The following SYNE1 variants were observed in gnomAD, a reference collection of about 807,000 sequenced individuals.
The protein encoded by SYNE1 is nesprin-1.
In SYNE1, 616 loss-of-function variants were observed where a neutral mutation model predicts 1,111.0. The observed-to-expected ratio is 0.55, with a 90% CI of 0.52 to 0.59. SYNE1 has a LOEUF of 0.59. Ranked by LOEUF, SYNE1 falls within the 20% of genes least tolerant of loss-of-function variation. The pLI is 0.00. For synonymous variants in SYNE1, 3,855 were observed against 3,825.8 expected, an observed-to-expected ratio of 1.01 and a Z score of -0.28; for missense variants, 10,006 against 10,417.0, an observed-to-expected ratio of 0.96 and a Z score of 1.72.
At position 152,337,009 on chromosome 6, in the gene SYNE1, T is replaced by C; in HGVS notation, c.12360A>G (p.Gln4120=). 6.2e-7 allele frequency: 1 copy of C among 1,613,312 alleles called. No individual in the cohort carries two copies. Among genetic ancestry groups the C allele is most frequent in the Non-Finnish European group, 8.5e-7 (1 of 1,179,922 alleles). ...DIQQTEQTIE[Q]KLVQAQNLTQ... ...TTAAGTTCTGGGCCTGGACAAGCTT[T>C]TGTTCAATCTTGAGAAAACACAGAG... The change falls in exon 76 of 146, where the codon CAA becomes CAG. Residue 4120 remains glutamine, a synonymous_variant. Transcript: ENST00000367255.
At chr6:152,156,866 C>T (rs561282744) in intron 131 of SYNE1, among the ~76,000 whole-genome samples, 63 of 151,938 alleles carry the variant, frequency 4.1e-4, no homozygotes, top group African/African-American at 1.5e-3. Flanking sequence ...CTCACTCTGT[C>T]ACCCAGGCTG....
intron 126 of SYNE1, 143 bp downstream of exon 126, chr6:152,206,025 C>A: frequency 1.0e-6 from 1 of 967,204 alleles, no homozygotes; most frequent in Non-Finnish European, 1.6e-6. Context: ...AAGACAAAGT[C>A]TTAAATAAAA....
intron 59 of SYNE1, among the ~76,000 whole-genome samples, chr6:152,371,464 T>C (rs2097178601): frequency 6.6e-6 from 1 of 151,250 alleles, no homozygotes; most frequent in Non-Finnish European, 1.5e-5. Flanking sequence ...CTCTCCTTTA[T>C]AAATTACCCA....
intron 3 of SYNE1, among the ~76,000 whole-genome samples, chr6:152,587,547 C>T (rs1004152192): frequency 6.6e-6 from 1 of 152,126 alleles, no homozygotes; most frequent in African/African-American, 2.4e-5. Flanking sequence ...AATGAAAAAA[C>T]TAATGAAAAA....
chr6:152,321,847 C>T lies in SYNE1; in HGVS notation c.15957G>A (p.Lys5319=). 6.2e-7 allele frequency: 1 copy of T among 1,614,032 alleles called. No individual in the cohort carries two copies. Among genetic ancestry groups the T allele is most frequent in the Non-Finnish European group, 8.5e-7 (1 of 1,179,970 alleles). The part of the protein sequence containing the change: ...EKVKTNGKLV[K]QELKDREMVE... Reference sequence around the variant, plus strand: ...CCATTTCTCGGTCCTTCAGCTCTTGCTTCACCAACTTTCCATTAGTCTTCA... The same window carrying T: ...CCATTTCTCGGTCCTTCAGCTCTTGTTTCACCAACTTTCCATTAGTCTTCA... Residue 5319 remains lysine, a synonymous_variant, in exon 83 of 146, where the codon AAG becomes AAA. Coordinates refer to ENST00000367255, the MANE Select transcript of SYNE1 (RefSeq NM_182961.4).
intron 3 of SYNE1, among the ~76,000 whole-genome samples, chr6:152,553,584 C>G (rs2099355167): frequency 6.6e-6 from 1 of 152,188 alleles, no homozygotes; most frequent in South Asian, 2.1e-4. Context: ...CCGCCTATCT[C>G]CAGTTCTTCA....
rs770523249 is a variant in SYNE1, at chr6:152,352,121, G to A, written c.11486C>T (p.Thr3829Ile). 4 of 1,614,216 alleles carry A rather than the reference G, an allele frequency of 2.5e-6. No homozygotes were observed. In the South Asian group the frequency reaches 4.4e-5, roughly 18 times the overall value. The change falls in exon 70 of 146, where the codon ACA (threonine) becomes ATA (isoleucine). Residue 3829 changes from threonine (T) to isoleucine (I), a missense_variant. Thr to Ile is a moderately conservative substitution (Grantham distance 89, BLOSUM62 -1). Coordinates refer to ENST00000367255, the MANE Select transcript of SYNE1 (RefSeq NM_182961.4). The stretch of plus-strand genomic sequence containing the variant: ...TTCCTGGTATTCTGCTATCCACTGT[G>A]TCAGTGCTTTGCATTTATCTGAGAA... ...KEFSDKCKALTQWIAEYQEIL... is the reference protein window; with the variant it reads ...KEFSDKCKALIQWIAEYQEIL...
rs899228287 is a variant in SYNE1, at chr6:152,232,133, A to G, written c.20845T>C (p.Tyr6949His). The G allele has an allele frequency of 1.3e-6, 2 of 1,581,080 alleles. No homozygotes were observed. The highest frequency in any genetic ancestry group is 1.7e-6 in the Non-Finnish European group (2 of 1,150,538). The change falls in exon 113 of 146, where the codon TAC becomes CAC. Residue 6949 changes from tyrosine (Y) to histidine (H), a missense_variant. Coordinates refer to ENST00000367255, the MANE Select transcript of SYNE1 (RefSeq NM_182961.4). ...NSIGYKAIHEYLQKYKGFKID... is the reference protein window; with the variant it reads ...NSIGYKAIHEHLQKYKGFKID... Reference sequence around the variant, plus strand: ...TTAATTACCTTATATTTCTGAAGGTATTCATGAATTGCCTTGTAACCTATG... The same window carrying G: ...TTAATTACCTTATATTTCTGAAGGTGTTCATGAATTGCCTTGTAACCTATG...
rs2635459 is a variant in SYNE1 at position 152,189,577 on chromosome 6, A to G, written c.23146-170T>C. Among the ~76,000 whole-genome samples the G allele has an allele frequency of 0.44, 67,106 of 152,038 alleles. 15,776 individuals are homozygous for G. The highest frequency in any genetic ancestry group is 0.62 in the African/African-American group (25,878 of 41,450). On this transcript the variant is annotated intron_variant, in intron 127 of 145. Transcript: ENST00000367255. ...AATATTACAGATTTGGTTCCAGACC[A>G]CTGAAATAAAGTATATATCACAATA...
intron 104 of SYNE1, among the ~76,000 whole-genome samples, chr6:152,253,551 G>T (rs2089914475): frequency 6.6e-6 from 1 of 152,294 alleles, no homozygotes; most frequent in African/African-American, 2.4e-5. Flanking sequence ...TTTGAACCCA[G>T]ACTGTTAGCT....
At chr6:152,602,606 T>C (rs2099598803) in intron 3 of SYNE1, among the ~76,000 whole-genome samples, 1 of 152,232 alleles carries the variant, frequency 6.6e-6, no homozygotes, top group Non-Finnish European at 1.5e-5. Context: ...AGGCCCATGT[T>C]ACTCAATTCT....
At chr6:152,167,715 C>G (rs1316231781) in intron 130 of SYNE1, 4 of 524,306 alleles carry the variant, frequency 7.6e-6, no homozygotes, top group African/African-American at 5.8e-5. Context: ...AGCTGTGAAC[C>G]AGCTAAGGCT....
chr6:152,374,343 A>G (rs2097242503), intron 58 of SYNE1, among the ~76,000 whole-genome samples: 1 of 152,248 alleles, frequency 6.6e-6, no homozygotes, highest in Non-Finnish European at 1.5e-5. Flanking sequence ...TCTGACAAGA[A>G]ACAGAAGCAT....
chr6:152,314,201 A>G (rs1204653477), intron 87 of SYNE1, among the ~76,000 whole-genome samples: 2 of 152,240 alleles, frequency 1.3e-5, no homozygotes, highest in African/African-American at 4.8e-5. Flanking sequence ...CTTTGCAGGC[A>G]GAATATCAGT....
chr6:152,334,217 C>T lies in SYNE1; in HGVS notation c.12585G>A (p.Lys4195=), dbSNP rs149536991. 3.2e-5 allele frequency: 51 copies of T among 1,613,902 alleles called. No individual in the cohort carries two copies. Among genetic ancestry groups the T allele is most frequent in the Middle Eastern group, 1.6e-4 (1 of 6,084 alleles). The stretch of plus-strand genomic sequence containing the variant: ...CCTCCTTCTTTGTTAACTTATTCAC[C>T]TTTTCTATTATGGTGTTCACGGATG... ...KQASVNTIIE[K]VNKLTKKEES... is the part of the protein sequence containing the mutation. Residue 4195 remains lysine, a synonymous_variant, in exon 77 of 146, where the codon AAG becomes AAA. Coordinates refer to ENST00000367255, the MANE Select transcript of SYNE1 (RefSeq NM_182961.4).
intron 142 of SYNE1, chr6:152,133,755 T>C (rs1463508604): frequency 2.0e-6 from 1 of 509,328 alleles, no homozygotes; most frequent in Non-Finnish European, 3.5e-6. Flanking sequence ...TCAAATTAGT[T>C]AATGTATATA....
At chr6:152,436,181 A>G in intron 32 of SYNE1, 80 bp from the exon 33 acceptor site, 1 of 1,459,780 alleles carries the variant, frequency 6.9e-7, no homozygotes, top group Non-Finnish European at 9.4e-7. Flanking sequence ...CATATTGCAT[A>G]CAGAACAGAT....
Position 152,608,669 on chromosome 6 carries a change from C to T in SYNE1, c.67+19596G>A, listed in dbSNP as rs2099622794. The stretch of plus-strand genomic sequence containing the variant: ...TTGGAGTTAGGGCAGGGCACAGTGG[C>T]TCACGCCTATAATGCCAGCACTTTG... On this transcript the variant is annotated intron_variant, in intron 3 of 145. Transcript: ENST00000367255. Among the ~76,000 whole-genome samples the T allele has an allele frequency of 2.6e-5, 4 of 152,298 alleles. No individual in the cohort carries two copies. In the South Asian group the frequency reaches 8.3e-4, roughly 32 times the overall value.
Position 152,498,734 on chromosome 6 carries a change from A to C in SYNE1, c.939+8T>G. The C allele has an allele frequency of 6.4e-7, 1 of 1,550,718 alleles. No homozygotes were observed. Among genetic ancestry groups the C allele is most frequent in the Admixed American group, 1.8e-5 (1 of 57,078 alleles). ...GAGGTCATCAATGCAAGATTACTTA[A>C]ATCTTACCTTAAAATTTTGTACAGA... On this transcript the variant is annotated splice_region_variant and intron_variant, in intron 11 of 145. Transcript: ENST00000367255.
Sources: allele counts gnomAD v4.1 joint callset (sites outside exome capture counted in the v4.1 genomes callset), GRCh38; gene constraint gnomAD v4.1.1; transcripts MANE v1.5; gene names NCBI Gene and HGNC (gene_info 2026-07-23, HGNC 2026-07-21).